PPFIA2: variants seen among roughly 807,000 people sequenced by gnomAD.
PPFIA2 encodes PPFI scaffold protein A2.
Under a neutral mutation model 175.5 loss-of-function variants are expected in PPFIA2, and 46 were observed. The ratio of observed to expected loss-of-function variants is 0.26; its 90% CI spans 0.21 to 0.34. The LOEUF (loss-of-function observed/expected upper bound fraction) is 0.34, where lower values mean the gene tolerates loss of function less well. Ranked by LOEUF, PPFIA2 falls within the 10% of genes least tolerant of loss-of-function variation. The pLI, the probability that PPFIA2 is intolerant of heterozygous loss-of-function variation, is 1.00. For missense variants in PPFIA2, 1,179 were observed against 1,506.1 expected, an observed-to-expected ratio of 0.78 and a Z score of 3.60; for synonymous variants, 568 against 511.4, an observed-to-expected ratio of 1.11 and a Z score of -1.49.
At chr12:81,605,681 A>G (rs1389813375) in intron 4 of PPFIA2, among the ~76,000 whole-genome samples, 1 of 147,962 alleles carries the variant, frequency 6.8e-6, no homozygotes, top group Non-Finnish European at 1.5e-5. Flanking sequence ...CTATCTATCT[A>G]TCTATCTATC....
chr12:81,512,298 G>A lies in PPFIA2; in HGVS notation c.304-54432C>T, dbSNP rs188656481. On this transcript the variant is annotated intron_variant, in intron 4 of 32. Transcript: ENST00000549396. Reference sequence around the variant, plus strand: ...ACAAAACATACCTGATGTCCTGGTCGGCCTCTGGCTCTCCCTTCCCATCTC... The same window carrying A: ...ACAAAACATACCTGATGTCCTGGTCAGCCTCTGGCTCTCCCTTCCCATCTC... 3.0e-5 allele frequency: 38 copies of A among 1,287,710 alleles called. No individual in the cohort carries two copies. The East Asian group carries it at 1.0e-3, about 34-fold the overall frequency. The allele number at this position is 1,287,710 out of a possible 1,614,324, so 79.8% of individuals were successfully genotyped here.
intron 24 of PPFIA2, among the ~76,000 whole-genome samples, chr12:81,291,933 G>A (rs1474060656): frequency 6.6e-6 from 1 of 152,068 alleles, no homozygotes; most frequent in Non-Finnish European, 1.5e-5. Flanking sequence ...CCTTCGAGGT[G>A]AACTGAGGCT....
chr12:81,680,463 C>A (rs2073400262), intron 3 of PPFIA2, among the ~76,000 whole-genome samples: 1 of 151,822 alleles, frequency 6.6e-6, no homozygotes, highest in African/African-American at 2.4e-5. Context: ...AATTACCAGT[C>A]CTAGTGAACA....
chr12:81,565,687 G>T (rs1437701860), intron 4 of PPFIA2, among the ~76,000 whole-genome samples: 1 of 152,164 alleles, frequency 6.6e-6, no homozygotes, highest in Admixed American at 6.5e-5. Context: ...CCTAAACACA[G>T]TGTTAAACTC....
intron 2 of PPFIA2, among the ~76,000 whole-genome samples, chr12:81,757,348 G>C (rs2084849416): frequency 2.0e-5 from 3 of 152,118 alleles, no homozygotes; most frequent in Admixed American, 2.0e-4. Context: ...TGAAAAGCCA[G>C]AAAGGGCATT....
chr12:81,327,318 T>C (rs906206372), intron 21 of PPFIA2, among the ~76,000 whole-genome samples: 2 of 152,096 alleles, frequency 1.3e-5, no homozygotes, highest in African/African-American at 4.8e-5. Context: ...TTTTTTATTA[T>C]GAAAGATTTT....
chr12:81,508,740 A>G (rs1170146958), intron 4 of PPFIA2, among the ~76,000 whole-genome samples: 2 of 149,952 alleles, frequency 1.3e-5, no homozygotes, highest in African/African-American at 4.9e-5. Context: ...CATTAGGTAT[A>G]TCTCCCGATG....
chr12:81,572,110 G>A (rs2072662514), intron 4 of PPFIA2, among the ~76,000 whole-genome samples: 1 of 152,012 alleles, frequency 6.6e-6, no homozygotes, highest in Admixed American at 6.6e-5. Flanking sequence ...TGGTCTCCTT[G>A]CTTTGTTAGG....
intron 4 of PPFIA2, among the ~76,000 whole-genome samples, chr12:81,566,960 T>C (rs2071454212): frequency 1.3e-5 from 2 of 152,254 alleles, no homozygotes; most frequent in African/African-American, 4.8e-5. Context: ...AACTGCATGT[T>C]GTAAGAATAA....
chr12:81,600,521 TTA>T (rs752368939), intron 4 of PPFIA2, among the ~76,000 whole-genome samples: 3 of 151,922 alleles, frequency 2.0e-5, no homozygotes, highest in African/African-American at 7.2e-5. Flanking sequence ...ACTTGAAAAT[TTA>T]TGTTTTATTT....
At position 81,261,989 on chromosome 12, in the gene PPFIA2, G is replaced by A. The variant is rs2035733033; in HGVS notation, c.3767C>T (p.Ser1256Leu). 6.2e-7 allele frequency: 1 copy of A among 1,604,898 alleles called. No individual in the cohort carries two copies. Among genetic ancestry groups the A allele is most frequent in the Non-Finnish European group, 8.5e-7 (1 of 1,175,964 alleles). Residue 1256 changes from serine to leucine, a missense_variant, in exon 32 of 33, where the codon TCA (serine) becomes TTA (leucine). By Grantham distance (145) the Ser-to-Leu change is moderately radical (BLOSUM62 -2). This residue lies in a region of PPFIA2 where 245 missense variants were observed against 375.1 expected (regional missense o/e 0.65). Transcript: ENST00000549396. ...RLDNSTVRTYSC is the reference protein window; with the variant it reads ...RLDNSTVRTYLC Reference sequence around the variant, plus strand: ...CCTCCTTTGAGTGGCTGGTCAACATGAGTATGTGCGAACAGTGGAGTTGTC... The same window carrying A: ...CCTCCTTTGAGTGGCTGGTCAACATAAGTATGTGCGAACAGTGGAGTTGTC...
intron 7 of PPFIA2, among the ~76,000 whole-genome samples, chr12:81,433,404 T>C (rs982501987): frequency 6.6e-6 from 1 of 152,238 alleles, no homozygotes; most frequent in African/African-American, 2.4e-5. Context: ...ATTTTGTATT[T>C]AGTTAGTTTT....
intron 4 of PPFIA2, among the ~76,000 whole-genome samples, chr12:81,586,908 T>G (rs1388299394): frequency 1.3e-5 from 2 of 151,976 alleles, no homozygotes; most frequent in African/African-American, 4.8e-5. Flanking sequence ...CCTTCATCAT[T>G]AAAACAACAG....
chr12:81,746,238 A>T (rs2083052453), intron 3 of PPFIA2, among the ~76,000 whole-genome samples: 1 of 144,792 alleles, frequency 6.9e-6, no homozygotes, highest in South Asian at 2.2e-4. Context: ...AACACTTAAG[A>T]AGTAACTACA....
intron 3 of PPFIA2, among the ~76,000 whole-genome samples, chr12:81,705,456 C>CAAAAA (rs58602688): frequency 6.9e-4 from 38 of 54,994 alleles, no homozygotes; most frequent in Non-Finnish European, 1.1e-3. Context: ...GACTAGGTCT[C>CAAAAA]AAAAAAAAAA....
intron 4 of PPFIA2, among the ~76,000 whole-genome samples, chr12:81,607,922 TTGTG>T (rs1167682795): frequency 6.6e-6 from 1 of 151,970 alleles, no homozygotes; most frequent in Non-Finnish European, 1.5e-5. Context: ...ATGATGTTGG[TTGTG>T]TGTTTGTTAA....
intron 4 of PPFIA2, among the ~76,000 whole-genome samples, chr12:81,642,683 C>CATACATGTGTATGTATA (rs1567686433): frequency 2.8e-5 from 1 of 35,980 alleles, no homozygotes; most frequent in Non-Finnish European, 5.3e-5. Flanking sequence ...ATGTATGTAT[C>CATACATGTGTATGTATA]TATTATATAC....
intron 4 of PPFIA2, among the ~76,000 whole-genome samples, chr12:81,666,339 T>C (rs1596203260): frequency 6.6e-6 from 1 of 152,140 alleles, no homozygotes; most frequent in African/African-American, 2.4e-5. Flanking sequence ...CTATTCACAA[T>C]AGCAAAGACT....
chr12:81,498,615 T>A (rs1028945816), intron 4 of PPFIA2, among the ~76,000 whole-genome samples: 1 of 152,100 alleles, frequency 6.6e-6, no homozygotes, highest in Non-Finnish European at 1.5e-5. Context: ...ATTAATTTAT[T>A]TATTCATTAT....
Sources: gnomAD v4.1 joint callset for allele counts (sites outside exome capture counted in the v4.1 genomes callset) on GRCh38, gnomAD v4.1.1 for gene constraint, gnomAD v4.1.1 regional missense constraint, MANE v1.5 for transcripts, NCBI Gene and HGNC (gene_info 2026-07-23, HGNC 2026-07-21) for gene names.